SMAD9: variants seen among roughly 807,000 people sequenced by gnomAD.
SMAD9 encodes SMAD family member 9, also known as MAD homolog 9.
SMAD9 carries 36 observed loss-of-function variants against 46.1 expected under a neutral mutation model. That is an observed-to-expected ratio of 0.78 (90% CI 0.60 to 1.03). SMAD9 has a LOEUF of 1.03. Among genes scored for constraint, SMAD9 ranks in the 50% least tolerant of loss-of-function variants. The probability of loss-of-function intolerance (pLI) is 0.00; values close to 1 mark genes in which losing one functional copy is unlikely to be tolerated. For missense variants in SMAD9, 572 were observed against 599.8 expected, an observed-to-expected ratio of 0.95 and a Z score of 0.48; for synonymous variants, 245 against 237.1, an observed-to-expected ratio of 1.03 and a Z score of -0.31.
Position 36,898,158 on chromosome 13 carries a change from G to A in SMAD9, c.-186-18283C>T, listed in dbSNP as rs571773083. On this transcript the variant is annotated intron_variant, in intron 1 of 6. Coordinates refer to ENST00000379826, the MANE Select transcript of SMAD9 (RefSeq NM_001127217.3). ...CAGGAGTGAGCCACTGCACCCGGCC[G>A]AAATGTCCTATGTCTTAATAAGGGT... 5.3e-4 allele frequency among the ~76,000 whole-genome samples: 81 copies of A among 151,984 alleles called. 1 individual carries two copies. Among genetic ancestry groups the A allele is most frequent in the African/African-American group, 1.7e-3 (71 of 41,478 alleles).
At chr13:36,873,918 T>C (rs549949956) in intron 2 of SMAD9, among the ~76,000 whole-genome samples, 1 of 152,342 alleles carries the variant, frequency 6.6e-6, no homozygotes, top group African/African-American at 2.4e-5. Context: ...GTTCATTTAC[T>C]ATGCTTTTCT....
intron 4 of SMAD9, among the ~76,000 whole-genome samples, 175 bp from the exon 5 acceptor site, chr13:36,865,933 G>A (rs573558375): frequency 2.0e-5 from 3 of 152,236 alleles, no homozygotes; most frequent in Admixed American, 6.5e-5. Context: ...GTTTGGGGCC[G>A]GCTCATTTCA....
chr13:36,881,054 C>T (rs1194722453), intron 1 of SMAD9, among the ~76,000 whole-genome samples: 2 of 152,186 alleles, frequency 1.3e-5, no homozygotes, highest in African/African-American at 4.8e-5. Flanking sequence ...CCAATACATA[C>T]ACAAAAAAGC....
chr13:36,900,941 TC>T (rs35112674), intron 1 of SMAD9, among the ~76,000 whole-genome samples: 34,772 of 151,996 alleles, frequency 0.23, 4,087 homozygotes, highest in African/African-American at 0.25. Flanking sequence ...TATTCTTCCC[TC>T]CCCATCGACC....
At chr13:36,861,560 C>T (rs893425870) in intron 5 of SMAD9, among the ~76,000 whole-genome samples, 6 of 150,924 alleles carry the variant, frequency 4.0e-5, no homozygotes, top group African/African-American at 1.2e-4. Context: ...AGGTGACCTG[C>T]CTGCCTTGGC....
At position 36,920,187 on chromosome 13, in the gene SMAD9, A is replaced by AGCGGCAGCG. The variant is rs886050177; in HGVS notation, c.-259_-258insCGCTGCCGC. On this transcript the variant is annotated 5_prime_UTR_variant, in exon 1 of 7. Coordinates refer to ENST00000379826, the MANE Select transcript of SMAD9 (RefSeq NM_001127217.3). ...CGGGGACCGAGACAGCGGCTGCAGC[A>AGCGGCAGCG]GCGGCGGCGGCGGCGGCGGCGGCGG... The AGCGGCAGCG allele has an allele frequency of 1.7e-3, 248 of 144,030 alleles. 1 individual carries two copies. The highest frequency in any genetic ancestry group is 7.1e-3 in the African/African-American group (240 of 33,706). 8.9% of individuals were successfully genotyped at this position (144,030 alleles called of 1,614,324 possible).
In SMAD9 at chr13:36,872,603, C is replaced by T; in HGVS notation, c.670+55G>A. ...GTCATTGTGACTGTTCATCATAAATCATGATGTTGGGCTTATTTTCCCGTA... is the reference window on the plus strand; with the variant it reads ...GTCATTGTGACTGTTCATCATAAATTATGATGTTGGGCTTATTTTCCCGTA... On this transcript the variant is annotated intron_variant, in intron 3 of 6. Transcript: ENST00000379826. The T allele has an allele frequency of 3.2e-6, 5 of 1,570,974 alleles. No homozygotes were observed. In the Admixed American group the frequency reaches 8.3e-5, roughly 26 times the overall value.
intron 5 of SMAD9, among the ~76,000 whole-genome samples, chr13:36,854,961 TTATC>T (rs2058109287): frequency 6.6e-6 from 1 of 151,982 alleles, no homozygotes; most frequent in African/African-American, 2.4e-5. Context: ...CTACATCACT[TTATC>T]TAATATTCTT....
rs549581147 is a variant in SMAD9 at position 36,903,409 on chromosome 13, G to A, written c.-187+16707C>T. Among the ~76,000 whole-genome samples the A allele has an allele frequency of 7.9e-5, 12 of 152,314 alleles. No homozygotes were observed. The South Asian group carries it at 2.5e-3, about 32-fold the overall frequency. ...CAAAGTGCTGGGATTACAGTCGTCA[G>A]CCACCACACCCGGCCTGGAGGGGCC... On this transcript the variant is annotated intron_variant, in intron 1 of 6. Transcript: ENST00000379826.
intron 1 of SMAD9, among the ~76,000 whole-genome samples, chr13:36,891,638 T>C (rs2058489788): frequency 6.6e-6 from 1 of 152,194 alleles, no homozygotes; most frequent in African/African-American, 2.4e-5. Context: ...CCCCAGAATC[T>C]GTAACTGGCA....
intron 4 of SMAD9, among the ~76,000 whole-genome samples, chr13:36,866,690 CT>C (rs929132091): frequency 5.9e-5 from 9 of 152,158 alleles, no homozygotes; most frequent in African/African-American, 2.2e-4. Flanking sequence ...TAGAACCTCT[CT>C]ACTCAAGATC....
chr13:36,865,823 C>G, intron 4 of SMAD9, 65 bp from the exon 5 acceptor site: 1 of 1,360,802 alleles, frequency 7.3e-7, no homozygotes, highest in East Asian at 2.4e-5. Context: ...GTTCATGATT[C>G]CACCAGGAAA....
At chr13:36,873,056 G>A (rs950291559) in intron 2 of SMAD9, 141 bp from the exon 3 acceptor site, 8 of 934,934 alleles carry the variant, frequency 8.6e-6, no homozygotes, top group Non-Finnish European at 1.3e-5. Context: ...ATTAGTCTTT[G>A]TGCTCATCAT....
At chr13:36,888,107 T>C (rs900459797) in intron 1 of SMAD9, among the ~76,000 whole-genome samples, 28 of 152,156 alleles carry the variant, frequency 1.8e-4, no homozygotes, top group African/African-American at 6.8e-4. Context: ...GCACTGCTGT[T>C]TCAGGGTGTT....
chr13:36,848,780 T>A lies in SMAD9; in HGVS notation c.1300A>T (p.Thr434Ser). Residue 434 changes from threonine (T) to serine (S), a missense_variant, in exon 7 of 7, where the codon ACC becomes TCC. By Grantham distance (58) the Thr-to-Ser change is moderately conservative (BLOSUM62 1). Transcript: ENST00000379826. Reference protein sequence around the residue: ...AEYHRQDVTSTPCWIEIHLHG... With the variant: ...AEYHRQDVTSSPCWIEIHLHG... ...AGATGAATCTCAATCCAGCAGGGGG[T>A]GCTGGTGACATCCTGGCGATGATAC... The A allele has an allele frequency of 6.2e-7, 1 of 1,613,562 alleles. No individual in the cohort carries two copies. The highest frequency in any genetic ancestry group is 1.7e-5 in the Admixed American group (1 of 59,964).
intron 1 of SMAD9, among the ~76,000 whole-genome samples, chr13:36,896,414 C>T (rs988330192): frequency 7.2e-5 from 11 of 152,100 alleles, no homozygotes; most frequent in African/African-American, 1.9e-4. Flanking sequence ...CTTACAGGTG[C>T]GAGACACCAG....
chr13:36,881,846 A>G (rs1329738346), intron 1 of SMAD9, among the ~76,000 whole-genome samples: 1 of 152,262 alleles, frequency 6.6e-6, no homozygotes, highest in Non-Finnish European at 1.5e-5. Context: ...GTCTCATGAT[A>G]GAATAACCTG....
At chr13:36,917,136 G>A (rs1032684569) in intron 1 of SMAD9, among the ~76,000 whole-genome samples, 1 of 152,072 alleles carries the variant, frequency 6.6e-6, no homozygotes, top group Admixed American at 6.6e-5. Context: ...AGACCACCAA[G>A]CAAGAAGAAC....
At chr13:36,882,185 A>C (rs1205570136) in intron 1 of SMAD9, among the ~76,000 whole-genome samples, 1 of 151,924 alleles carries the variant, frequency 6.6e-6, no homozygotes, top group Non-Finnish European at 1.5e-5. Flanking sequence ...AATAAGTATA[A>C]TAATAATCAT....
Sources: gnomAD v4.1 joint callset for allele counts (sites outside exome capture counted in the v4.1 genomes callset) on GRCh38, gnomAD v4.1.1 for gene constraint, MANE v1.5 for transcripts, NCBI Gene and HGNC (gene_info 2026-07-23, HGNC 2026-07-21) for gene names.